Variants in SLC5A11 observed in about 807,000 individuals in gnomAD.
SLC5A11 encodes the protein solute carrier family 5 member 11, also known as sodium/myo-inositol cotransporter 2.
In SLC5A11, 48 loss-of-function variants were observed where a neutral mutation model predicts 69.8. The ratio of observed to expected loss-of-function variants is 0.69; its 90% CI spans 0.55 to 0.87. The LOEUF is 0.87. SLC5A11 is among the 40% of genes least tolerant of loss of function. The pLI is 0.00. For synonymous variants in SLC5A11, 319 were observed against 342.4 expected, an observed-to-expected ratio of 0.93 and a Z score of 0.75; for missense variants, 784 against 866.1, an observed-to-expected ratio of 0.91 and a Z score of 1.19.
rs564602115 is a variant in SLC5A11, at chr16:24,862,950, CAT to C, written c.207+282_207+283del. Among the ~76,000 whole-genome samples, 828 of 130,762 alleles carry C rather than the reference CAT, an allele frequency of 6.3e-3. 13 individuals carry two copies. The highest frequency in any genetic ancestry group is 0.022 in the African/African-American group (751 of 34,796). The allele number at this position is 130,762 out of a possible 152,430, so 85.8% of individuals were successfully genotyped here. A position where few individuals can be genotyped will look rare whatever the true frequency, so the allele number is the denominator to read the frequency against. On this transcript the variant is annotated intron_variant, in intron 3 of 15. Coordinates refer to ENST00000347898, the Ensembl canonical transcript of SLC5A11. ...AATATATATTATATAAAATATATAA[CAT>C]ATAATTATATATTATATAATATATA...
intron 10 of SLC5A11, among the ~76,000 whole-genome samples, chr16:24,906,211 G>A (rs112168474): frequency 2.4e-4 from 36 of 152,004 alleles, no homozygotes; most frequent in African/African-American, 7.7e-4. Context: ...CATGGTGGTG[G>A]GTGCCTGTAA....
chr16:24,860,024 G>A (rs544855207), intron 2 of SLC5A11, among the ~76,000 whole-genome samples: 18 of 152,292 alleles, frequency 1.2e-4, no homozygotes, highest in African/African-American at 3.8e-4. Flanking sequence ...GGTGGCTCAC[G>A]CCTGTAATCC....
At chr16:24,908,170 C>T (rs1433050448) in intron 13 of SLC5A11, 39 bp downstream of exon 14, 1 of 1,532,496 alleles carries the variant, frequency 6.5e-7, no homozygotes, top group Non-Finnish European at 8.8e-7. Flanking sequence ...GAACCAAGTG[C>T]TGCCCCTTGA....
rs752806002 is a variant in SLC5A11, at chr16:24,893,535, G to C, written c.870+2461G>C. On this transcript the variant is annotated intron_variant, in intron 9 of 15. Transcript: ENST00000347898. ...ATTGAACCAATGTTTACTGTTTTCAGGTTTCTGAACTTCTTTTTTATTATT... is the reference window on the plus strand; with the variant it reads ...ATTGAACCAATGTTTACTGTTTTCACGTTTCTGAACTTCTTTTTTATTATT... 2.4e-4 allele frequency among the ~76,000 whole-genome samples: 37 copies of C among 151,622 alleles called. 1 individual carries two copies. Among genetic ancestry groups the C allele is most frequent in the Non-Finnish European group, 4.1e-4 (28 of 67,852 alleles).
At chr16:24,886,314 T>C (rs7196576) in intron 8 of SLC5A11, among the ~76,000 whole-genome samples, 58,611 of 151,912 alleles carry the variant, frequency 0.39, 12,583 homozygotes, top group Non-Finnish European at 0.49. Flanking sequence ...ATTATAGGCA[T>C]GAGCCACCAC....
At chr16:24,906,417 A>T (rs7187595) in intron 10 of SLC5A11, among the ~76,000 whole-genome samples, 95,031 of 151,780 alleles carry the variant, frequency 0.63, 30,451 homozygotes, top group Non-Finnish European at 0.69. Flanking sequence ...TTACGATAAC[A>T]ATAGCTGAAT....
At chr16:24,874,344 C>T (rs2047528412) in intron 5 of SLC5A11, among the ~76,000 whole-genome samples, 1 of 152,114 alleles carries the variant, frequency 6.6e-6, no homozygotes, top group Non-Finnish European at 1.5e-5. Flanking sequence ...AGAGAATCTA[C>T]CTCTAAGTGG....
intron 3 of SLC5A11, among the ~76,000 whole-genome samples, chr16:24,864,303 C>G (rs2046783858): frequency 6.6e-6 from 1 of 152,114 alleles, no homozygotes; most frequent in Admixed American, 6.6e-5. Context: ...GGGAGAATTG[C>G]AAAGACTGGG....
rs780375366 is a variant in SLC5A11 at position 24,911,317 on chromosome 16, G to GTTCT, written c.1823-6_1823-3dup. 6.2e-7 allele frequency: 1 copy of GTTCT among 1,613,696 alleles called. No individual in the cohort carries two copies. Among genetic ancestry groups the GTTCT allele is most frequent in the South Asian group, 1.1e-5 (1 of 91,056 alleles). On this transcript the variant is annotated splice_polypyrimidine_tract_variant and intron_variant, in intron 15 of 15. Transcript: ENST00000347898. ...CACCTCTACGGTCTTCCTTTGCTGG[G>GTTCT]TTCTTTCTAGGTGACATGACCCCAA...
At chr16:24,902,482 A>C (rs1475649835) in intron 10 of SLC5A11, among the ~76,000 whole-genome samples, 2 of 151,886 alleles carry the variant, frequency 1.3e-5, no homozygotes, top group Admixed American at 6.6e-5. Flanking sequence ...ACCTGGGTTG[A>C]TATATGGAAG....
Position 24,857,759 on chromosome 16 carries a change from C to T in SLC5A11, c.-24-861C>T, listed in dbSNP as rs77281988. On this transcript the variant is annotated intron_variant, in intron 1 of 15. Coordinates refer to ENST00000347898, the Ensembl canonical transcript of SLC5A11. ...TCAGGTTAGCTGCAGCTAGGCATCT[C>T]CCAATTTTAAGTGATTTGACTACCA... 8.5e-3 allele frequency among the ~76,000 whole-genome samples: 1,294 copies of T among 152,310 alleles called. 23 individuals carry two copies. Among genetic ancestry groups the T allele is most frequent in the African/African-American group, 0.03 (1,232 of 41,570 alleles).
chr16:24,863,579 C>T (rs898261015), intron 3 of SLC5A11, among the ~76,000 whole-genome samples: 13 of 151,816 alleles, frequency 8.6e-5, no homozygotes, highest in Admixed American at 1.3e-4. Context: ...CACATTTGAA[C>T]GGTGTCATTG....
intron 7 of SLC5A11, among the ~76,000 whole-genome samples, chr16:24,881,848 G>A (rs1403008525): frequency 6.6e-6 from 1 of 152,118 alleles, no homozygotes; most frequent in Non-Finnish European, 1.5e-5. Flanking sequence ...AACCCTGGTG[G>A]TAAGAGTGGG....
At chr16:24,882,218 G>A (rs1183761001) in intron 7 of SLC5A11, among the ~76,000 whole-genome samples, 1 of 152,154 alleles carries the variant, frequency 6.6e-6, no homozygotes, top group Non-Finnish European at 1.5e-5. Flanking sequence ...CCGGCTATTT[G>A]GTGAAAGACT....
intron 10 of SLC5A11, among the ~76,000 whole-genome samples, chr16:24,905,550 A>C (rs1395202788): frequency 6.6e-6 from 1 of 151,826 alleles, no homozygotes; most frequent in African/African-American, 2.4e-5. Context: ...GGAGCCTGTG[A>C]GGCTAGGGTT....
chr16:24,883,815 T>C (rs1387632352), intron 7 of SLC5A11, among the ~76,000 whole-genome samples: 2 of 152,232 alleles, frequency 1.3e-5, no homozygotes. Context: ...GCAAGTCACG[T>C]GGCCAAGCCC....
chr16:24,877,422 T>C (rs1488820143), intron 7 of SLC5A11, 59 bp downstream of exon 8: 19 of 1,283,510 alleles, frequency 1.5e-5, no homozygotes, highest in Non-Finnish European at 1.9e-5. Context: ...TGTGGGCCAC[T>C]CTACCTTCTC....
At chr16:24,901,872 C>T (rs1309935432) in intron 10 of SLC5A11, among the ~76,000 whole-genome samples, 1 of 151,620 alleles carries the variant, frequency 6.6e-6, no homozygotes, top group East Asian at 1.9e-4. Flanking sequence ...ATCGCTTGAG[C>T]CCAGGAGTTT....
rs1374851924 is a variant in SLC5A11 at position 24,881,810 on chromosome 16, G to A, written c.584-2241G>A. Among the ~76,000 whole-genome samples, 3 of 149,740 alleles carry A rather than the reference G, an allele frequency of 2.0e-5. No homozygotes were observed. The East Asian group carries it at 6.0e-4, about 30-fold the overall frequency. On this transcript the variant is annotated intron_variant, in intron 7 of 15. Coordinates refer to ENST00000347898, the Ensembl canonical transcript of SLC5A11. ...CATTCACACCAACCAGAGTGAAAATGGCACCCCGTGGCACTGTGCTAAGCA... is the reference window on the plus strand; with the variant it reads ...CATTCACACCAACCAGAGTGAAAATAGCACCCCGTGGCACTGTGCTAAGCA...
Sources: gnomAD v4.1 joint callset for allele counts (sites outside exome capture counted in the v4.1 genomes callset) on GRCh38, gnomAD v4.1.1 for gene constraint, MANE v1.5 for transcripts, NCBI Gene and HGNC (gene_info 2026-07-23, HGNC 2026-07-21) for gene names.